Variants in RNLS observed in about 807,000 individuals in gnomAD.
RNLS encodes the protein renalase, FAD dependent amine oxidase, also known as renalase.
A neutral mutation model predicts 39.8 loss-of-function variants in RNLS; 39 were observed. That is an observed-to-expected ratio of 0.98 (90% confidence interval 0.76 to 1.28). The LOEUF is 1.28. Ranked by LOEUF, RNLS falls within the 50% of genes most tolerant of loss-of-function variation. RNLS has a pLI of 0.00. For missense variants in RNLS, 410 were observed against 413.3 expected, an observed-to-expected ratio of 0.99 and a Z score of 0.07; for synonymous variants, 147 against 150.7, an observed-to-expected ratio of 0.98 and a Z score of 0.18.
chr10:88,186,263 T>C, the RNLS span, among the ~76,000 whole-genome samples: 1 of 152,174 alleles, frequency 6.6e-6, no homozygotes. Context: ...AAGACCACTC[T>C]GGTTTCATGT....
intron 6 of RNLS, among the ~76,000 whole-genome samples, chr10:88,277,844 A>G (rs1261806435): frequency 6.6e-6 from 1 of 152,166 alleles, no homozygotes; most frequent in East Asian, 1.9e-4. Context: ...AATGTTTTTT[A>G]TAGTTTTAAA....
At chr10:88,522,684 G>A (rs1342741212) in intron 4 of RNLS, among the ~76,000 whole-genome samples, 1 of 152,038 alleles carries the variant, frequency 6.6e-6, no homozygotes, top group Non-Finnish European at 1.5e-5. Flanking sequence ...GATTTGGAAG[G>A]AGTCCTGAGG....
At chr10:88,172,473 T>G in the RNLS span, among the ~76,000 whole-genome samples, 5 of 152,222 alleles carry the variant, frequency 3.3e-5, no homozygotes, top group South Asian at 1.0e-3. Flanking sequence ...ATTTGTATAT[T>G]TTCATTTGAG....
At chr10:88,341,569 G>T (rs1320457265) in intron 5 of RNLS, among the ~76,000 whole-genome samples, 1 of 151,834 alleles carries the variant, frequency 6.6e-6, no homozygotes, top group Non-Finnish European at 1.5e-5. Context: ...TCTTTTACTT[G>T]TAAAAAGAAA....
intron 4 of RNLS, among the ~76,000 whole-genome samples, chr10:88,470,175 T>A (rs1400679572): frequency 1.3e-5 from 2 of 152,090 alleles, no homozygotes; most frequent in Non-Finnish European, 2.9e-5. Flanking sequence ...TGTTTTTTTT[T>A]AAGCTTTTAT....
the RNLS span, among the ~76,000 whole-genome samples, chr10:88,217,084 A>G: frequency 2.0e-5 from 3 of 152,280 alleles, no homozygotes; most frequent in East Asian, 3.9e-4. Context: ...GGAAAAACAG[A>G]TTGGTTTTCA....
chr10:88,440,024 C>T (rs1013859517), intron 4 of RNLS, among the ~76,000 whole-genome samples: 18 of 152,264 alleles, frequency 1.2e-4, no homozygotes, highest in Admixed American at 1.0e-3. Flanking sequence ...ATCTGTCACT[C>T]CCACTAGATT....
At chr10:88,230,708 C>T in the RNLS span, among the ~76,000 whole-genome samples, 1 of 152,176 alleles carries the variant, frequency 6.6e-6, no homozygotes, top group Non-Finnish European at 1.5e-5. Flanking sequence ...TTATATAGCT[C>T]CAACCTATTA....
intron 4 of RNLS, among the ~76,000 whole-genome samples, chr10:88,521,491 TGAA>T (rs1846730342): frequency 1.3e-5 from 2 of 152,008 alleles, no homozygotes; most frequent in Admixed American, 1.3e-4. Flanking sequence ...TATGAATTAA[TGAA>T]GGAGGACACT....
At chr10:88,199,226 C>G in the RNLS span, among the ~76,000 whole-genome samples, 1 of 152,044 alleles carries the variant, frequency 6.6e-6, no homozygotes, top group Non-Finnish European at 1.5e-5. Flanking sequence ...GAGGGAGACA[C>G]TGCTGTGCGG....
intron 5 of RNLS, among the ~76,000 whole-genome samples, chr10:88,330,689 A>C (rs1375138292): frequency 2.0e-5 from 3 of 152,162 alleles, no homozygotes; most frequent in Non-Finnish European, 4.4e-5. Context: ...ATTTTTACAT[A>C]AAATTGATTT....
At chr10:88,444,472 A>G (rs1215418215) in intron 4 of RNLS, among the ~76,000 whole-genome samples, 1 of 152,238 alleles carries the variant, frequency 6.6e-6, no homozygotes, top group Non-Finnish European at 1.5e-5. Context: ...CTGGACAGAG[A>G]ATGACTTTGA....
At chr10:88,228,851 C>T in the RNLS span, among the ~76,000 whole-genome samples, 1 of 152,202 alleles carries the variant, frequency 6.6e-6, no homozygotes, top group African/African-American at 2.4e-5. Flanking sequence ...TTTCCCTCAT[C>T]CTTTTATACA....
intron 4 of RNLS, among the ~76,000 whole-genome samples, chr10:88,404,471 AT>A (rs1853138366): frequency 6.6e-6 from 1 of 151,986 alleles, no homozygotes; most frequent in African/African-American, 2.4e-5. Flanking sequence ...GTACTATGGG[AT>A]TTTCCTAACG....
the RNLS span, among the ~76,000 whole-genome samples, chr10:88,256,054 A>G: frequency 2.6e-5 from 4 of 152,234 alleles, no homozygotes; most frequent in African/African-American, 9.6e-5. Flanking sequence ...CAGGGAATTC[A>G]GACAAAACCA....
the RNLS span, among the ~76,000 whole-genome samples, chr10:88,214,249 T>C: frequency 3.9e-5 from 6 of 152,086 alleles, no homozygotes; most frequent in African/African-American, 1.4e-4. Context: ...CACATACCCG[T>C]CTCTGGACCA....
At chr10:88,341,157 C>A (rs550117361) in intron 5 of RNLS, among the ~76,000 whole-genome samples, 2 of 150,908 alleles carry the variant, frequency 1.3e-5, no homozygotes, top group East Asian at 3.9e-4. Context: ...TGGAGAAACT[C>A]TGCCTCTACT....
At chr10:88,190,890 C>G in the RNLS span, among the ~76,000 whole-genome samples, 1 of 152,240 alleles carries the variant, frequency 6.6e-6, no homozygotes, top group Non-Finnish European at 1.5e-5. Flanking sequence ...ACATCCTGAA[C>G]AGGCTTCTCC....
intron 5 of RNLS, among the ~76,000 whole-genome samples, chr10:88,347,906 T>A (rs1848415244): frequency 6.6e-6 from 1 of 152,132 alleles, no homozygotes; most frequent in African/African-American, 2.4e-5. Context: ...TCTTTATAAA[T>A]GCTCCCCAGA....
Sources: gnomAD v4.1 joint callset for allele counts (sites outside exome capture counted in the v4.1 genomes callset) on GRCh38, gnomAD v4.1.1 for gene constraint, MANE v1.5 for transcripts, NCBI Gene and HGNC (gene_info 2026-07-23, HGNC 2026-07-21) for gene names.